The following RAB30 variants were observed in gnomAD, a reference collection of about 807,000 sequenced individuals.
The protein encoded by RAB30 is ras-related protein Rab-30.
RAB30 carries 9 observed loss-of-function variants against 25.1 expected under a neutral mutation model. The observed-to-expected ratio is 0.36, with a 90% CI of 0.22 to 0.63. The LOEUF (loss-of-function observed/expected upper bound fraction) is 0.63. Among genes scored for constraint, RAB30 ranks in the 20% least tolerant of loss-of-function variants. RAB30 has a pLI of 0.69. For synonymous variants in RAB30, 77 were observed against 86.4 expected, an observed-to-expected ratio of 0.89 and a Z score of 0.60; for missense variants, 140 against 243.5, an observed-to-expected ratio of 0.58 and a Z score of 2.83.
Position 83,014,274 on chromosome 11 carries a change from T to C in RAB30, c.-8-16950A>G, listed in dbSNP as rs568997402. Among the ~76,000 whole-genome samples, 3 of 152,286 alleles carry C rather than the reference T, an allele frequency of 2.0e-5. No individual in the cohort carries two copies. The South Asian group carries it at 6.2e-4, about 32-fold the overall frequency. Reference sequence around the variant, plus strand: ...TGAATAAGAAAGAGCCAGACCAGGCTTGGTGGTTCACACCTGTAATCCCAG... The same window carrying C: ...TGAATAAGAAAGAGCCAGACCAGGCCTGGTGGTTCACACCTGTAATCCCAG... On this transcript the variant is annotated intron_variant, in intron 1 of 4. Coordinates refer to ENST00000527633, the MANE Select transcript of RAB30 (RefSeq NM_001286060.2).
intron 1 of RAB30, among the ~76,000 whole-genome samples, chr11:83,011,436 A>G (rs1422866493): frequency 1.3e-5 from 2 of 152,242 alleles, no homozygotes; most frequent in Admixed American, 1.3e-4. Flanking sequence ...TAAGTAAAAA[A>G]GAGAATATTG....
chr11:82,981,856 ACT>A lies in RAB30; in HGVS notation c.*307_*308del. On this transcript the variant is annotated 3_prime_UTR_variant, in exon 5 of 5. Transcript: ENST00000527633. ...ATCCCTACAGTACATTTCCCCCCGG[ACT>A]CTGTTTAGGAATGCGCTTTTACTTG... 1 of 315,234 alleles carries A rather than the reference ACT, an allele frequency of 3.2e-6. No individual in the cohort carries two copies. The allele number at this position is 315,234 out of a possible 1,614,324, so 19.5% of individuals were successfully genotyped here. A position where few individuals can be genotyped will look rare whatever the true frequency, so the allele number is the denominator to read the frequency against.
chr11:83,067,991 G>A (rs1309939615), intron 1 of RAB30, among the ~76,000 whole-genome samples: 3 of 151,998 alleles, frequency 2.0e-5, no homozygotes, highest in African/African-American at 7.2e-5. Context: ...AGCTGGGAGT[G>A]GTGGGTGCCT....
At chr11:83,039,340 A>G (rs1033507067) in intron 1 of RAB30, among the ~76,000 whole-genome samples, 2 of 152,194 alleles carry the variant, frequency 1.3e-5, no homozygotes, top group African/African-American at 4.8e-5. Context: ...CTCCAAATAA[A>G]CTGCCAACAT....
At chr11:83,004,339 T>A (rs777167385) in intron 1 of RAB30, among the ~76,000 whole-genome samples, 31 of 152,156 alleles carry the variant, frequency 2.0e-4, no homozygotes, top group South Asian at 4.1e-4. Flanking sequence ...TAATATAAAT[T>A]TGTTCCAAAT....
intron 4 of RAB30, among the ~76,000 whole-genome samples, chr11:82,982,797 G>C (rs1025796645): frequency 2.0e-5 from 3 of 152,138 alleles, no homozygotes; most frequent in African/African-American, 7.2e-5. Flanking sequence ...CAGAGGCAGA[G>C]GTTGCAGTGA....
At chr11:83,054,934 A>C (rs1350727470) in intron 1 of RAB30, among the ~76,000 whole-genome samples, 1 of 152,242 alleles carries the variant, frequency 6.6e-6, no homozygotes, top group Non-Finnish European at 1.5e-5. Context: ...AGAAGCAGCA[A>C]GAAGATGGCA....
chr11:83,047,849 T>C (rs1025170512), intron 1 of RAB30, among the ~76,000 whole-genome samples: 3 of 152,106 alleles, frequency 2.0e-5, no homozygotes, highest in Non-Finnish European at 4.4e-5. Flanking sequence ...GTAGAGCATC[T>C]CCATTTACAA....
intron 1 of RAB30, among the ~76,000 whole-genome samples, chr11:83,043,884 GA>G (rs1389937350): frequency 6.6e-6 from 1 of 152,124 alleles, no homozygotes; most frequent in Non-Finnish European, 1.5e-5. Flanking sequence ...TTTACTGGAG[GA>G]AACACTACTA....
In RAB30 at chr11:82,981,268, T is replaced by C. The variant is rs2121426236; in HGVS notation, c.*897A>G. 6.6e-6 allele frequency: 1 copy of C among 152,374 alleles called. No homozygotes were observed. Among genetic ancestry groups the C allele is most frequent in the East Asian group, 1.9e-4 (1 of 5,188 alleles). 9.4% of individuals were successfully genotyped at this position (152,374 alleles called of 1,614,324 possible). The stretch of plus-strand genomic sequence containing the variant: ...AGAGCTAAGTTTTTATATTAGAATG[T>C]CATCAACCATTTGTTTATTTTTTTC... On this transcript the variant is annotated 3_prime_UTR_variant, in exon 5 of 5. Coordinates refer to ENST00000527633, the MANE Select transcript of RAB30 (RefSeq NM_001286060.2).
chr11:83,025,943 C>T (rs1303605346), intron 1 of RAB30, among the ~76,000 whole-genome samples: 1 of 152,188 alleles, frequency 6.6e-6, no homozygotes, highest in Non-Finnish European at 1.5e-5. Flanking sequence ...AATCCCAGCA[C>T]TTTGGGAAGC....
chr11:82,996,540 C>T (rs1187615199), intron 2 of RAB30, among the ~76,000 whole-genome samples: 1 of 152,014 alleles, frequency 6.6e-6, no homozygotes, highest in Non-Finnish European at 1.5e-5. Flanking sequence ...GGAAAACACA[C>T]AAAAAAGGTC....
At chr11:83,051,633 C>G (rs1482754685) in intron 1 of RAB30, among the ~76,000 whole-genome samples, 1 of 151,966 alleles carries the variant, frequency 6.6e-6, no homozygotes, top group East Asian at 1.9e-4. Context: ...ACGAAAGACC[C>G]TTTTCACTTT....
intron 1 of RAB30, among the ~76,000 whole-genome samples, chr11:83,052,928 G>A (rs1858385816): frequency 6.6e-6 from 1 of 152,144 alleles, no homozygotes; most frequent in South Asian, 2.1e-4. Flanking sequence ...AGACAGTGAG[G>A]TGCAAGGCAA....
At chr11:82,994,775 G>A (rs1019825498) in intron 2 of RAB30, among the ~76,000 whole-genome samples, 33 of 152,130 alleles carry the variant, frequency 2.2e-4, no homozygotes, top group African/African-American at 7.7e-4. Flanking sequence ...TGGGATCAAA[G>A]CCAAAGACAC....
chr11:83,009,588 G>C (rs534332050), intron 1 of RAB30, among the ~76,000 whole-genome samples: 1 of 151,556 alleles, frequency 6.6e-6, no homozygotes, highest in East Asian at 1.9e-4. Context: ...AACATGCCCA[G>C]GGAGCCAAAA....
chr11:83,005,696 C>A (rs1411947886), intron 1 of RAB30, among the ~76,000 whole-genome samples: 2 of 151,956 alleles, frequency 1.3e-5, no homozygotes, highest in Non-Finnish European at 2.9e-5. Flanking sequence ...AGAAGGCTTT[C>A]TAAGAATTAC....
chr11:82,991,066 C>A (rs930188818), intron 3 of RAB30, among the ~76,000 whole-genome samples: 3 of 151,264 alleles, frequency 2.0e-5, no homozygotes, highest in Non-Finnish European at 3.0e-5. Flanking sequence ...AGTGGTCCTG[C>A]CACTCACCAA....
chr11:83,049,639 G>A (rs1452767261), intron 1 of RAB30, among the ~76,000 whole-genome samples: 1 of 151,760 alleles, frequency 6.6e-6, no homozygotes, highest in Non-Finnish European at 1.5e-5. Context: ...ACGCCACCAT[G>A]CCTGGTTAAT....
Sources: gnomAD v4.1 joint callset for allele counts (sites outside exome capture counted in the v4.1 genomes callset) on GRCh38, gnomAD v4.1.1 for gene constraint, MANE v1.5 for transcripts, NCBI Gene and HGNC (gene_info 2026-07-23, HGNC 2026-07-21) for gene names.